LTBP1: variants seen among roughly 807,000 people sequenced by gnomAD.
LTBP1 encodes the protein latent-transforming growth factor beta-binding protein 1.
In LTBP1, 129 loss-of-function variants were observed where a neutral mutation model predicts 207.6. The observed-to-expected ratio is 0.62, with a 90% CI of 0.54 to 0.72. The LOEUF (loss-of-function observed/expected upper bound fraction) is 0.72, where lower values mean the gene tolerates loss of function less well. Among genes scored for constraint, LTBP1 ranks in the 30% least tolerant of loss-of-function variants. The pLI is 0.00. For missense variants in LTBP1, 2,281 were observed against 2,217.2 expected (o/e 1.03, Z -0.58); for synonymous variants, 963 against 833.7 (o/e 1.16, Z -2.67).
intron 24 of LTBP1, among the ~76,000 whole-genome samples, chr2:33,342,026 T>C (rs1419367220): frequency 6.6e-6 from 1 of 152,098 alleles, no homozygotes; most frequent in African/African-American, 2.4e-5. Context: ...GGTATAGATG[T>C]GGCAGTGCCC....
intron 7 of LTBP1, among the ~76,000 whole-genome samples, chr2:33,208,303 G>T (rs2090028880): frequency 6.6e-6 from 1 of 152,200 alleles, no homozygotes; most frequent in Admixed American, 6.5e-5. Context: ...GTACACCCAA[G>T]ATCTGCATTT....
In LTBP1 at chr2:33,200,180, C is replaced by G. The variant is rs187392450; in HGVS notation, c.1701+11329C>G. Among the ~76,000 whole-genome samples the G allele has an allele frequency of 4.6e-3, 707 of 152,204 alleles. 5 individuals carry two copies. Among genetic ancestry groups the G allele is most frequent in the African/African-American group, 0.016 (673 of 41,526 alleles). ...CCCACATTGCCAAGTCAATCCTAAG[C>G]CAAAAGAACAAAGCTGGAGGCATCA... On this transcript the variant is annotated intron_variant, in intron 7 of 33. Transcript: ENST00000404816.
chr2:33,317,765 A>G (rs776436360), intron 24 of LTBP1: 1 of 152,346 alleles, frequency 6.6e-6, no homozygotes, highest in Middle Eastern at 3.4e-3. Flanking sequence ...GCAGGGCTAA[A>G]TAACTCCCAC....
At chr2:33,012,800 A>G (rs955833118) in intron 2 of LTBP1, among the ~76,000 whole-genome samples, 1 of 152,240 alleles carries the variant, frequency 6.6e-6, no homozygotes, top group Non-Finnish European at 1.5e-5. Context: ...ATATATGTGC[A>G]TAATAGTTTA....
intron 3 of LTBP1, among the ~76,000 whole-genome samples, chr2:33,077,817 A>G (rs2078168900): frequency 6.6e-6 from 1 of 152,208 alleles, no homozygotes; most frequent in South Asian, 2.1e-4. Context: ...TGAAATTGTA[A>G]TAACAAAAAT....
chr2:32,997,107 A>G (rs528037130), intron 2 of LTBP1, among the ~76,000 whole-genome samples: 17 of 152,176 alleles, frequency 1.1e-4, no homozygotes, highest in South Asian at 6.2e-4. Flanking sequence ...CTGGTCTCGA[A>G]TTCCTGACCT....
intron 22 of LTBP1, among the ~76,000 whole-genome samples, chr2:33,307,085 C>CAAAAAAAAAAAAAAAAAAAAAAAA (rs1291775472): frequency 6.6e-6 from 1 of 151,716 alleles, no homozygotes; most frequent in Non-Finnish European, 1.5e-5. Context: ...GACTCCATCT[C>CAAAAAAAAAAAAAAAAAAAAAAAA]AAAAACAAAA....
At chr2:33,054,724 C>T (rs1264069762) in intron 3 of LTBP1, among the ~76,000 whole-genome samples, 2 of 152,150 alleles carry the variant, frequency 1.3e-5, no homozygotes. Context: ...GAAGGCCGCA[C>T]CAGTGTCCAG....
chr2:33,326,077 G>GT (rs1462884060), intron 24 of LTBP1, among the ~76,000 whole-genome samples: 1 of 127,384 alleles, frequency 7.9e-6, no homozygotes, highest in Non-Finnish European at 1.8e-5. Flanking sequence ...TTTTGCTTTT[G>GT]TTAAAAAAAA....
At position 33,021,151 on chromosome 2, in the gene LTBP1, A is replaced by T. The variant is rs754541156; in HGVS notation, c.808A>T (p.Thr270Ser). 2.5e-6 allele frequency: 4 copies of T among 1,612,238 alleles called. No individual in the cohort carries two copies. Among genetic ancestry groups the T allele is most frequent in the African/African-American group, 1.3e-5 (1 of 74,874 alleles). The change falls in exon 3 of 34, where the codon ACC becomes TCC. Residue 270 changes from threonine (T) to serine (S), a missense_variant. Coordinates refer to ENST00000404816, the MANE Select transcript of LTBP1 (RefSeq NM_206943.4). The part of the protein sequence containing the change: ...LPRVSPVAQM[T>S]LTLKPKPSVG... ...AAGAGTCAGCCCTGTGGCCCAGATG[A>T]CCTTAACCCTCAAGCCGAAGCCTTC...
intron 3 of LTBP1, among the ~76,000 whole-genome samples, chr2:33,084,683 C>G (rs922467141): frequency 6.6e-6 from 1 of 152,160 alleles, no homozygotes; most frequent in African/African-American, 2.4e-5. Flanking sequence ...AACTCCTGTG[C>G]GCAAACAGGC....
intron 2 of LTBP1, among the ~76,000 whole-genome samples, chr2:32,971,329 T>C (rs1486437544): frequency 2.0e-5 from 3 of 152,188 alleles, no homozygotes; most frequent in Non-Finnish European, 2.9e-5. Context: ...CAGTAATATA[T>C]TGAATAGGAG....
chr2:33,207,861 TAGA>T (rs1279981690), intron 7 of LTBP1, among the ~76,000 whole-genome samples: 1 of 152,240 alleles, frequency 6.6e-6, no homozygotes, highest in Non-Finnish European at 1.5e-5. Flanking sequence ...ATTCAGGGGC[TAGA>T]AGAACACCAT....
chr2:33,208,378 A>G (rs1019546194), intron 7 of LTBP1, among the ~76,000 whole-genome samples: 8 of 152,164 alleles, frequency 5.3e-5, no homozygotes, highest in African/African-American at 1.9e-4. Context: ...CATTATAGCT[A>G]CCCAATATAA....
intron 24 of LTBP1, among the ~76,000 whole-genome samples, chr2:33,323,864 C>T (rs1458733531): frequency 1.3e-5 from 2 of 152,024 alleles, no homozygotes; most frequent in Admixed American, 1.3e-4. Context: ...TAATGCACAC[C>T]CTGCATAACT....
chr2:33,089,502 A>G (rs1056793411), intron 3 of LTBP1, among the ~76,000 whole-genome samples: 5 of 152,318 alleles, frequency 3.3e-5, no homozygotes, highest in South Asian at 2.1e-4. Context: ...AATGCTGCCA[A>G]TGCATCCTGC....
intron 7 of LTBP1, among the ~76,000 whole-genome samples, chr2:33,209,583 T>G (rs2090144185): frequency 6.6e-6 from 1 of 152,220 alleles, no homozygotes; most frequent in South Asian, 2.1e-4. Context: ...ATTCACTGAG[T>G]ATTTCTTTAC....
intron 5 of LTBP1, among the ~76,000 whole-genome samples, chr2:33,146,681 A>G (rs998160789): frequency 5.9e-5 from 9 of 152,214 alleles, no homozygotes; most frequent in African/African-American, 2.2e-4. Context: ...GCTTACAATC[A>G]TGGTGGAAGG....
intron 2 of LTBP1, among the ~76,000 whole-genome samples, chr2:32,954,040 T>A (rs1328737020): frequency 6.6e-6 from 1 of 152,180 alleles, no homozygotes; most frequent in Admixed American, 6.5e-5. Flanking sequence ...CTTCACACCC[T>A]GTAGTGTCAT....
Sources: allele counts gnomAD v4.1 joint callset (sites outside exome capture counted in the v4.1 genomes callset), GRCh38; gene constraint gnomAD v4.1.1; transcripts MANE v1.5; gene names NCBI Gene and HGNC (gene_info 2026-07-23, HGNC 2026-07-21).